Variants in LTN1 observed in about 807,000 individuals in gnomAD.
LTN1 encodes E3 ubiquitin-protein ligase listerin.
Under a neutral mutation model 201.2 loss-of-function variants are expected in LTN1, and 88 were observed. The ratio of observed to expected loss-of-function variants is 0.44; its 90% CI spans 0.37 to 0.52. The LOEUF (loss-of-function observed/expected upper bound fraction) is 0.52, where lower values mean the gene tolerates loss of function less well. LTN1 is among the 20% of genes least tolerant of loss of function. LTN1 has a pLI of 0.00. For synonymous variants in LTN1, 645 were observed against 713.5 expected (o/e 0.90, Z 1.53); for missense variants, 1,752 against 2,038.7 (o/e 0.86, Z 2.71).
chr21:28,952,789 T>C (rs1280412602), intron 17 of LTN1, among the ~76,000 whole-genome samples: 1 of 152,192 alleles, frequency 6.6e-6, no homozygotes, highest in Admixed American at 6.5e-5. Context: ...GCTAAACATC[T>C]TACTACTACA....
rs777084700 is a variant in LTN1 at position 28,956,941 on chromosome 21, T to C, written c.2900A>G (p.His967Arg). 9 of 1,578,936 alleles carry C rather than the reference T, an allele frequency of 5.7e-6. No homozygotes were observed. The South Asian group carries it at 7.0e-5, about 12-fold the overall frequency. ...MRQSLPMQWL[H>R]RPLLEGRLSL... Reference sequence around the variant, plus strand: ...CAATCTTCCCTCTAAAAGAGGTCTATGTAACCACTGTGAAAAGAATACGTT... The same window carrying C: ...CAATCTTCCCTCTAAAAGAGGTCTACGTAACCACTGTGAAAAGAATACGTT... The change falls in exon 16 of 30, where the codon CAT (histidine) becomes CGT (arginine). Residue 967 changes from histidine (H) to arginine (R), a missense_variant. Coordinates refer to ENST00000361371, the MANE Select transcript of LTN1 (RefSeq NM_015565.3).
chr21:28,971,267 A>G lies in LTN1; in HGVS notation c.984+4T>C. The G allele has an allele frequency of 6.2e-7, 1 of 1,608,636 alleles. No individual in the cohort carries two copies. The highest frequency in any genetic ancestry group is 1.1e-5 in the South Asian group (1 of 90,160). On this transcript the variant is annotated splice_donor_region_variant and intron_variant, in intron 7 of 29. Transcript: ENST00000361371. ...AGTGTACTAAATGTGCCTCTCTTAC[A>G]TACCTCAATAGTTGTAAGTGTATAG...
At position 28,928,987 on chromosome 21, in the gene LTN1, A is replaced by G. The variant is rs1183192077; in HGVS notation, c.*1461T>C. On this transcript the variant is annotated 3_prime_UTR_variant, in exon 30 of 30. Transcript: ENST00000361371. ...GAGGTAGTAAAATTTTGCTATCTGT[A>G]CTTCACTTACTGACCCTCAGAGGCT... is the stretch of plus-strand genomic sequence containing the variant. 1 of 152,558 alleles carries G rather than the reference A, an allele frequency of 6.6e-6. No homozygotes were observed. Among genetic ancestry groups the G allele is most frequent in the Non-Finnish European group, 1.5e-5 (1 of 67,988 alleles). The allele number at this position is 152,558 out of a possible 1,614,324, so 9.5% of individuals were successfully genotyped here.
intron 18 of LTN1, among the ~76,000 whole-genome samples, chr21:28,949,424 A>G (rs1371628651): frequency 6.6e-6 from 1 of 152,212 alleles, no homozygotes; most frequent in Non-Finnish European, 1.5e-5. Context: ...TGTTAAGTAC[A>G]TTCACACTAT....
rs747344219 is a variant in LTN1, at chr21:28,956,964, G to A, written c.2893-16C>T. The A allele has an allele frequency of 1.2e-5, 18 of 1,467,578 alleles. No individual in the cohort carries two copies. Among genetic ancestry groups the A allele is most frequent in the South Asian group, 4.0e-5 (3 of 75,668 alleles). The allele number at this position is 1,467,578 out of a possible 1,614,324, so 90.9% of individuals were successfully genotyped here. ...TATGTAACCACTGTGAAAAGAATAC[G>A]TTATATACAAAATTATTTATTACCT... On this transcript the variant is annotated splice_polypyrimidine_tract_variant and intron_variant, in intron 15 of 29. Coordinates refer to ENST00000361371, the MANE Select transcript of LTN1 (RefSeq NM_015565.3).
intron 1 of LTN1, among the ~76,000 whole-genome samples, chr21:28,988,651 T>G (rs533095337): frequency 1.0e-3 from 157 of 152,182 alleles, no homozygotes; most frequent in Middle Eastern, 6.8e-3. Context: ...CTCTATTTTT[T>G]TTTTTAAGTG....
At chr21:28,947,204 G>A (rs1013440437) in intron 19 of LTN1, among the ~76,000 whole-genome samples, 1 of 152,170 alleles carries the variant, frequency 6.6e-6, no homozygotes, top group Non-Finnish European at 1.5e-5. Context: ...AGGGAGAAAT[G>A]AGGCACAGCT....
chr21:28,990,706 A>G (rs1002082932), intron 1 of LTN1, among the ~76,000 whole-genome samples: 1 of 152,242 alleles, frequency 6.6e-6, no homozygotes, highest in African/African-American at 2.4e-5. Flanking sequence ...TCATCTATGA[A>G]GAATTCCTTC....
chr21:28,935,786 G>A (rs907731007), intron 26 of LTN1, among the ~76,000 whole-genome samples: 1 of 148,398 alleles, frequency 6.7e-6, no homozygotes, highest in Non-Finnish European at 1.5e-5. Flanking sequence ...CTTGCAGTGA[G>A]CCGAGATCAC....
chr21:28,953,425 C>G, intron 16 of LTN1, 49 bp from the exon 17 acceptor site: 9 of 1,387,958 alleles, frequency 6.5e-6, no homozygotes, highest in Non-Finnish European at 8.8e-6. Context: ...TGTGAACAAA[C>G]CCTTCAATTA....
At chr21:28,958,961 A>T (rs1018306678) in intron 13 of LTN1, among the ~76,000 whole-genome samples, 2 of 152,122 alleles carry the variant, frequency 1.3e-5, no homozygotes, top group African/African-American at 4.8e-5. Flanking sequence ...GGAAAGAATG[A>T]AGGGTGGGAG....
At chr21:28,961,765 A>C (rs1221878435) in intron 11 of LTN1, among the ~76,000 whole-genome samples, 1 of 152,148 alleles carries the variant, frequency 6.6e-6, no homozygotes, top group East Asian at 1.9e-4. Flanking sequence ...CAAAACTCAA[A>C]TCTGTTTTTT....
intron 26 of LTN1, among the ~76,000 whole-genome samples, 153 bp from the exon 27 acceptor site, chr21:28,935,482 G>A (rs1271662927): frequency 1.3e-5 from 2 of 152,150 alleles, no homozygotes; most frequent in Admixed American, 6.5e-5. Flanking sequence ...CCAGAACTCT[G>A]GAGTATGAGC....
Position 28,947,889 on chromosome 21 carries a change from T to TAAAA in LTN1, c.3345-284_3345-283insTTTT, listed in dbSNP as rs1277318584. Among the ~76,000 whole-genome samples the TAAAA allele has an allele frequency of 3.6e-4, 44 of 123,106 alleles. 1 individual carries two copies. The highest frequency in any genetic ancestry group is 3.3e-3 in the East Asian group (16 of 4,796). 80.8% of individuals were successfully genotyped at this position (123,106 alleles called of 152,430 possible). ...TAGCCACATGACATTATGTCCTCTT[T>TAAAA]TAAAAAAAAAAAAGAGTCAATTGCG... is the stretch of plus-strand genomic sequence containing the variant. On this transcript the variant is annotated intron_variant, in intron 18 of 29. Transcript: ENST00000361371.
intron 10 of LTN1, 76 bp downstream of exon 10, chr21:28,966,294 A>C: frequency 8.0e-7 from 1 of 1,256,482 alleles, no homozygotes; most frequent in Non-Finnish European, 1.1e-6. Flanking sequence ...GTGAAGAAAC[A>C]ACCAGAAAAC....
In LTN1 at chr21:28,969,549, A is replaced by G. The variant is rs1446644022; in HGVS notation, c.1228T>C (p.Ser410Pro). 3 of 1,612,490 alleles carry G rather than the reference A, an allele frequency of 1.9e-6. No homozygotes were observed. The highest frequency in any genetic ancestry group is 2.2e-5 in the East Asian group (1 of 44,812). ...TSSLESSAVI[S>P]AFFECLRFIM... Reference sequence around the variant, plus strand: ...AAACGTAAGCATTCAAAAAAAGCAGATATTACTGCCGAGGACTCTAAAGAG... The same window carrying G: ...AAACGTAAGCATTCAAAAAAAGCAGGTATTACTGCCGAGGACTCTAAAGAG... The change falls in exon 9 of 30, where the codon TCT becomes CCT. Residue 410 changes from serine (S) to proline (P), a missense_variant. Around this residue, in one of 3 missense-constraint regions of LTN1, gnomAD observed 1,211 missense variants for 1,312.8 expected, o/e 0.92. Coordinates refer to ENST00000361371, the MANE Select transcript of LTN1 (RefSeq NM_015565.3).
rs759298075 is a variant in LTN1 at position 28,970,700 on chromosome 21, T to G, written c.1027A>C (p.Lys343Gln). The G allele has an allele frequency of 1.2e-6, 2 of 1,613,944 alleles. No homozygotes were observed. The highest frequency in any genetic ancestry group is 1.7e-4 in the Middle Eastern group (1 of 6,060). ...HVNAKKSVFP[K>Q]LSTVIREGGR... ...CCTTCACGAATCACAGTTGATAGCTTGGGAAACACACTCTTTTTTGCATTT... is the reference window on the plus strand; with the variant it reads ...CCTTCACGAATCACAGTTGATAGCTGGGGAAACACACTCTTTTTTGCATTT... Residue 343 changes from lysine (K) to glutamine (Q), a missense_variant, in exon 8 of 30, where the codon AAG becomes CAG. Coordinates refer to ENST00000361371, the MANE Select transcript of LTN1 (RefSeq NM_015565.3).
chr21:28,953,513 C>T, intron 16 of LTN1, 137 bp from the exon 17 acceptor site: 1 of 565,646 alleles, frequency 1.8e-6, no homozygotes. Flanking sequence ...TTTTTCAAAT[C>T]TGCTTTGAGA....
rs755524077 is a variant in LTN1, at chr21:28,986,684, A to C, written c.246+47T>G. On this transcript the variant is annotated intron_variant, in intron 2 of 29. Coordinates refer to ENST00000361371, the MANE Select transcript of LTN1 (RefSeq NM_015565.3). The surrounding 1 kb of genome is among the most constrained non-coding windows in gnomAD (Gnocchi z 4.1). ...AAACATGCTAATGACATTTTATTTT[A>C]ACAAAGGGATTTTCTTGATAATTTT... The C allele has an allele frequency of 6.4e-6, 9 of 1,412,006 alleles. No homozygotes were observed. Among genetic ancestry groups the C allele is most frequent in the African/African-American group, 4.3e-5 (3 of 70,516 alleles). The allele number at this position is 1,412,006 out of a possible 1,614,324, so 87.5% of individuals were successfully genotyped here.
Sources: gnomAD v4.1 joint callset for allele counts (sites outside exome capture counted in the v4.1 genomes callset) on GRCh38, gnomAD v4.1.1 for gene constraint, gnomAD v4.1.1 regional missense constraint, Gnocchi (gnomAD v3.1) non-coding constraint, MANE v1.5 for transcripts, NCBI Gene and HGNC (gene_info 2026-07-23, HGNC 2026-07-21) for gene names.